EWSR1: variants seen among roughly 807,000 people sequenced by gnomAD.
The protein encoded by EWSR1 is RNA-binding protein EWS.
A neutral mutation model predicts 92.1 loss-of-function variants in EWSR1; 14 were observed. The observed-to-expected ratio is 0.15, with a 90% confidence interval of 0.10 to 0.24. The LOEUF is 0.24. EWSR1 is among the 10% of genes least tolerant of loss of function. The probability of loss-of-function intolerance (pLI) is 1.00; values close to 1 mark genes in which losing one functional copy is unlikely to be tolerated. For missense variants in EWSR1, 637 were observed against 870.9 expected (o/e 0.73, Z 3.38); for synonymous variants, 303 against 292.9 (o/e 1.03, Z -0.35).
chr22:29,294,543 T>G (rs1031075094), intron 11 of EWSR1, among the ~76,000 whole-genome samples: 8 of 150,994 alleles, frequency 5.3e-5, no homozygotes, highest in Admixed American at 4.6e-4. Context: ...AGGCGGAGCT[T>G]GCAGTGAGCT....
In EWSR1 at chr22:29,282,528, C is replaced by G; in HGVS notation, c.552C>G (p.Val184=). Residue 184 remains valine, a synonymous_variant, in exon 6 of 17, where the codon GTC becomes GTG. Coordinates refer to ENST00000397938, the MANE Select transcript of EWSR1 (RefSeq NM_005243.4). ...CTGGGAGCTACCCCATGCAGCCAGT[C>G]ACTGCACCTCCATCCTACCCTCCTA... ...QVPGSYPMQP[V]TAPPSYPPTS... 1 of 1,539,274 alleles carries G rather than the reference C, an allele frequency of 6.5e-7. No individual in the cohort carries two copies. Among genetic ancestry groups the G allele is most frequent in the South Asian group, 1.3e-5 (1 of 77,728 alleles).
intron 1 of EWSR1, among the ~76,000 whole-genome samples, chr22:29,268,698 A>T (rs1173163779): frequency 6.6e-6 from 1 of 152,096 alleles, no homozygotes; most frequent in South Asian, 2.1e-4. Context: ...GAAGGGGAGG[A>T]TTTGGCCAGG....
chr22:29,289,936 T>C (rs1182621749), intron 8 of EWSR1: 2 of 231,174 alleles, frequency 8.7e-6, no homozygotes, highest in Non-Finnish European at 1.7e-5. Context: ...TACTCTATTA[T>C]AAAGGTTTCA....
intron 12 of EWSR1, 40 bp from the exon 13 acceptor site, chr22:29,297,787 A>G: frequency 2.5e-6 from 4 of 1,609,674 alleles, no homozygotes; most frequent in Non-Finnish European, 3.4e-6. Context: ...GTGAACAGGG[A>G]GTACAGGGGA....
intron 6 of EWSR1, among the ~76,000 whole-genome samples, chr22:29,283,238 G>A (rs906350121): frequency 6.6e-5 from 10 of 152,104 alleles, no homozygotes; most frequent in Non-Finnish European, 5.9e-5. Context: ...TAAAGCGCAG[G>A]GCATTATAAT....
At chr22:29,286,884 T>TA (rs2060085418) in intron 6 of EWSR1, 39 bp from the exon 7 acceptor site, 1 of 1,555,228 alleles carries the variant, frequency 6.4e-7, no homozygotes. Context: ...AGCCTCTTTC[T>TA]AAAAAAGCTT....
chr22:29,291,997 A>T, intron 9 of EWSR1, 140 bp from the exon 10 acceptor site: 1 of 781,120 alleles, frequency 1.3e-6, no homozygotes, highest in Non-Finnish European at 2.2e-6. Flanking sequence ...ACACTGCTCC[A>T]TTTTAGCAGT....
intron 4 of EWSR1, chr22:29,274,323 C>T: frequency 2.5e-6 from 4 of 1,608,092 alleles, no homozygotes; most frequent in Non-Finnish European, 2.6e-6. Flanking sequence ...AAATGCTTTC[C>T]ATCTTGTCTA....
At chr22:29,296,510 G>A in intron 12 of EWSR1, 142 bp downstream of exon 12, 1 of 824,576 alleles carries the variant, frequency 1.2e-6, no homozygotes, top group African/African-American at 1.7e-5. Flanking sequence ...AGTAGTAGTA[G>A]CACCCAGCCA....
intron 1 of EWSR1, 82 bp downstream of exon 1, chr22:29,268,431 G>T: frequency 6.2e-7 from 1 of 1,612,534 alleles, no homozygotes; most frequent in Non-Finnish European, 8.5e-7. Context: ...GCTTGGCTGG[G>T]AAGACTGAGT....
chr22:29,282,054 C>T (rs2059649365), intron 5 of EWSR1, among the ~76,000 whole-genome samples: 1 of 152,200 alleles, frequency 6.6e-6, no homozygotes, highest in African/African-American at 2.4e-5. Flanking sequence ...CCTAACAGAT[C>T]ACTTCTCCCG....
At chr22:29,278,470 T>C (rs1470927748) in intron 5 of EWSR1, among the ~76,000 whole-genome samples, 1 of 149,846 alleles carries the variant, frequency 6.7e-6, no homozygotes, top group Non-Finnish European at 1.5e-5. Context: ...GCGGATCATA[T>C]AAGGTCAGGA....
intron 1 of EWSR1, 45 bp from the exon 2 acceptor site, chr22:29,272,171 G>T (rs1361294248): frequency 1.9e-6 from 3 of 1,580,502 alleles, no homozygotes; most frequent in South Asian, 2.2e-5. Context: ...TCTTCTCCTT[G>T]TTTCTGCTAA....
rs2060024556 is a variant in EWSR1, at chr22:29,286,283, CTGGGATTA to C, written c.582-639_582-632del. On this transcript the variant is annotated intron_variant, in intron 6 of 16. Transcript: ENST00000397938. ...CCCCCAGCCTCAGCCTTCCAAAGTG[CTGGGATTA>C]CAGGCATGAGCCTCCGCTCCCAGCT... 2.0e-5 allele frequency among the ~76,000 whole-genome samples: 3 copies of C among 152,230 alleles called. No homozygotes were observed. In the South Asian group the frequency reaches 6.3e-4, roughly 32 times the overall value.
At chr22:29,278,365 G>C in intron 5 of EWSR1, 149 bp downstream of exon 5, 1 of 776,322 alleles carries the variant, frequency 1.3e-6, no homozygotes, top group Non-Finnish European at 2.0e-6. Flanking sequence ...TGATGTGCTA[G>C]AACATACCAC....
At position 29,272,192 on chromosome 22, in the gene EWSR1, TTTTTCCTCCTTG is replaced by T. The variant is rs1286252469; in HGVS notation, c.14-15_14-4del. 1 of 1,610,792 alleles carries T rather than the reference TTTTTCCTCCTTG, an allele frequency of 6.2e-7. No homozygotes were observed. Among genetic ancestry groups the T allele is most frequent in the East Asian group, 2.2e-5 (1 of 44,866 alleles). ...CCTTGTTTCTGCTAACTTTACACTA[TTTTTCCTCCTTG>T]TTTTCCTCTAGATTACAGTACCTAT... On this transcript the variant is annotated splice_polypyrimidine_tract_variant and intron_variant, in intron 1 of 16. Transcript: ENST00000397938.
chr22:29,282,555 C>G lies in EWSR1; in HGVS notation c.579C>G (p.Thr193=), dbSNP rs763468580. 2 of 1,509,018 alleles carry G rather than the reference C, an allele frequency of 1.3e-6. No individual in the cohort carries two copies. The highest frequency in any genetic ancestry group is 1.4e-5 in the African/African-American group (1 of 69,502). The allele number at this position is 1,509,018 out of a possible 1,614,324, so 93.5% of individuals were successfully genotyped here. Residue 193 remains threonine, a splice_region_variant and synonymous_variant, in exon 6 of 17, where the codon ACC becomes ACG. Coordinates refer to ENST00000397938, the MANE Select transcript of EWSR1 (RefSeq NM_005243.4). ...CTGCACCTCCATCCTACCCTCCTAC[C>G]AGGTCAGTCTACTTTTTGTGGCAAA... The part of the protein sequence containing the change: ...PVTAPPSYPP[T]SYSSTQPTSY...
chr22:29,271,709 G>A (rs1373653506), intron 1 of EWSR1, among the ~76,000 whole-genome samples: 2 of 152,198 alleles, frequency 1.3e-5, no homozygotes, highest in East Asian at 1.9e-4. Flanking sequence ...TTTCACTGTC[G>A]TTGAGCTAGG....
chr22:29,280,859 GTTGTTTTTTT>G (rs2059521323), intron 5 of EWSR1, among the ~76,000 whole-genome samples: 3 of 90,978 alleles, frequency 3.3e-5, no homozygotes, highest in Admixed American at 3.0e-4. Context: ...GTGTGTGTGT[GTTGTTTTTTT>G]TTTTTTTTTT....
Sources: gnomAD v4.1 joint callset for allele counts (sites outside exome capture counted in the v4.1 genomes callset) on GRCh38, gnomAD v4.1.1 for gene constraint, MANE v1.5 for transcripts, NCBI Gene and HGNC (gene_info 2026-07-23, HGNC 2026-07-21) for gene names.